The following ZNF277 variants were observed in gnomAD, a reference collection of about 807,000 sequenced individuals.
ZNF277 encodes nuclear receptor-interacting factor 4.
ZNF277 carries 55 observed loss-of-function variants against 60.7 expected under a neutral mutation model. The observed-to-expected ratio is 0.91, with a 90% CI of 0.73 to 1.13. The LOEUF is 1.13. Among genes scored for constraint, ZNF277 ranks in the 50% most tolerant of loss-of-function variants. The pLI is 0.00. For missense variants in ZNF277, 510 were observed against 523.0 expected (o/e 0.98, Z 0.24); for synonymous variants, 178 against 179.3 (o/e 0.99, Z 0.06).
At chr7:112,216,701 A>G (rs1003082188) in intron 1 of ZNF277, among the ~76,000 whole-genome samples, 1 of 152,200 alleles carries the variant, frequency 6.6e-6, no homozygotes, top group Non-Finnish European at 1.5e-5. Flanking sequence ...TTTCAACTCC[A>G]TCTTCCAAAT....
intron 1 of ZNF277, among the ~76,000 whole-genome samples, chr7:112,251,393 TG>T (rs1278254711): frequency 6.6e-6 from 1 of 152,212 alleles, no homozygotes; most frequent in Non-Finnish European, 1.5e-5. Flanking sequence ...TGAGATAATT[TG>T]GAGAGAGTTC....
intron 7 of ZNF277, among the ~76,000 whole-genome samples, chr7:112,335,449 G>A (rs1415545923): frequency 6.6e-6 from 1 of 152,134 alleles, no homozygotes; most frequent in Non-Finnish European, 1.5e-5. Flanking sequence ...TGCTAACGCT[G>A]TGACTAGGCT....
intron 1 of ZNF277, among the ~76,000 whole-genome samples, chr7:112,245,007 G>C (rs922054393): frequency 2.6e-5 from 4 of 152,062 alleles, no homozygotes; most frequent in African/African-American, 9.7e-5. Context: ...TGAATACCTA[G>C]TTTATTGGCA....
chr7:112,215,564 A>G (rs150983439), intron 1 of ZNF277, among the ~76,000 whole-genome samples: 84 of 152,376 alleles, frequency 5.5e-4, no homozygotes, highest in African/African-American at 1.9e-3. Context: ...TTCTAGTTCC[A>G]TATAGCACTG....
chr7:112,295,403 T>G (rs193227794), intron 2 of ZNF277, among the ~76,000 whole-genome samples: 34 of 152,302 alleles, frequency 2.2e-4, no homozygotes, highest in Non-Finnish European at 1.5e-4. Context: ...TATATTGATA[T>G]TGAATTTAGA....
At chr7:112,217,076 A>G (rs1468363393) in intron 1 of ZNF277, among the ~76,000 whole-genome samples, 4 of 152,256 alleles carry the variant, frequency 2.6e-5, no homozygotes. Flanking sequence ...TGAATGCTGT[A>G]GAATACAAAG....
Position 112,209,281 on chromosome 7 carries a change from G to A in ZNF277, c.91+2474G>A, listed in dbSNP as rs767350595. Among the ~76,000 whole-genome samples the A allele has an allele frequency of 1.2e-4, 19 of 152,080 alleles. 1 individual carries two copies. Among genetic ancestry groups the A allele is most frequent in the Admixed American group, 9.8e-4 (15 of 15,278 alleles). On this transcript the variant is annotated intron_variant, in intron 1 of 11. Transcript: ENST00000361822. ...TTGGGAGAAAATTGCTGGATCAAAGGTTATGCAAGTTTAAAATTTTGACAG... is the reference window on the plus strand; with the variant it reads ...TTGGGAGAAAATTGCTGGATCAAAGATTATGCAAGTTTAAAATTTTGACAG...
At chr7:112,308,275 G>A (rs1792645221) in intron 4 of ZNF277, among the ~76,000 whole-genome samples, 1 of 151,976 alleles carries the variant, frequency 6.6e-6, no homozygotes, top group Admixed American at 6.6e-5. Context: ...CAGCACTTTG[G>A]GAGGCGAGGC....
At chr7:112,261,368 A>G (rs1280001730) in intron 1 of ZNF277, among the ~76,000 whole-genome samples, 2 of 152,198 alleles carry the variant, frequency 1.3e-5, no homozygotes, top group South Asian at 2.1e-4. Context: ...TATTTCAGAA[A>G]TAAATTTGCT....
rs149797637 is a variant in ZNF277 at position 112,212,939 on chromosome 7, C to T, written c.91+6132C>T. Among the ~76,000 whole-genome samples, 22 of 152,286 alleles carry T rather than the reference C, an allele frequency of 1.4e-4. No homozygotes were observed. In the East Asian group the frequency reaches 1.9e-3, roughly 13 times the overall value. On this transcript the variant is annotated intron_variant, in intron 1 of 11. Transcript: ENST00000361822. ...AAGTAACATTGTATACTGGGGTTGC[C>T]TCACAAGGTATAGGCCGTGGGATGT...
At chr7:112,268,493 T>C (rs1440566021) in intron 1 of ZNF277, among the ~76,000 whole-genome samples, 2 of 152,128 alleles carry the variant, frequency 1.3e-5, no homozygotes, top group Non-Finnish European at 2.9e-5. Flanking sequence ...TTTTTCTGTT[T>C]GCATATGAGA....
At chr7:112,285,370 C>T (rs537551449) in intron 1 of ZNF277, among the ~76,000 whole-genome samples, 4 of 146,132 alleles carry the variant, frequency 2.7e-5, no homozygotes, top group Non-Finnish European at 4.5e-5. Flanking sequence ...GTGACTGATT[C>T]AATTAATTCA....
intron 1 of ZNF277, among the ~76,000 whole-genome samples, chr7:112,256,721 C>T (rs988013624): frequency 6.6e-6 from 1 of 152,140 alleles, no homozygotes; most frequent in Non-Finnish European, 1.5e-5. Flanking sequence ...GCTGGGATTA[C>T]AGGCGTAAAC....
chr7:112,328,784 C>T (rs1206275309), intron 6 of ZNF277, among the ~76,000 whole-genome samples: 14 of 152,046 alleles, frequency 9.2e-5, no homozygotes, highest in Admixed American at 2.6e-4. Context: ...GCAGGAGAAT[C>T]GCTTGAACCC....
chr7:112,318,366 G>C lies in ZNF277; in HGVS notation c.557+93G>C. The C allele has an allele frequency of 1.2e-5, 14 of 1,170,810 alleles. No homozygotes were observed. The South Asian group carries it at 1.6e-4, about 13-fold the overall frequency. The allele number at this position is 1,170,810 out of a possible 1,614,324, so 72.5% of individuals were successfully genotyped here. ...GTTGGTTATATAAATTAAGTTCTAT[G>C]TGTTGGCTCAGGACCCTTTCGTATA... is the stretch of plus-strand genomic sequence containing the variant. On this transcript the variant is annotated intron_variant, in intron 5 of 11. Coordinates refer to ENST00000361822, the MANE Select transcript of ZNF277 (RefSeq NM_021994.3).
chr7:112,342,823 C>A lies in ZNF277; in HGVS notation c.*94C>A, dbSNP rs1013174430. 2 of 1,025,376 alleles carry A rather than the reference C, an allele frequency of 2.0e-6. No individual in the cohort carries two copies. Among genetic ancestry groups the A allele is most frequent in the African/African-American group, 1.7e-5 (1 of 60,512 alleles). 63.5% of individuals were successfully genotyped at this position (1,025,376 alleles called of 1,614,324 possible). A position where few individuals can be genotyped will look rare whatever the true frequency, so the allele number is the denominator to read the frequency against. On this transcript the variant is annotated 3_prime_UTR_variant, in exon 12 of 12. Transcript: ENST00000361822. The stretch of plus-strand genomic sequence containing the variant: ...TATGAAAGAACAATTTAAATTTGAA[C>A]ATCAACAAAAGATTGGTCCTTGGTG...
At chr7:112,303,796 TA>T (rs1181036765) in intron 4 of ZNF277, among the ~76,000 whole-genome samples, 1 of 152,134 alleles carries the variant, frequency 6.6e-6, no homozygotes, top group Non-Finnish European at 1.5e-5. Flanking sequence ...TCTCCTAGTT[TA>T]TTTTTTTTGG....
At chr7:112,286,841 CTTTTTTT>C (rs10710470) in intron 1 of ZNF277, 25 bp from the exon 2 acceptor site, 126 of 952,210 alleles carry the variant, frequency 1.3e-4, no homozygotes, top group South Asian at 1.6e-4. Context: ...TTCTTTCTTT[CTTTTTTT>C]TTTTTTTTTT....
intron 5 of ZNF277, among the ~76,000 whole-genome samples, chr7:112,321,066 C>T (rs1372454462): frequency 6.6e-6 from 1 of 151,110 alleles, no homozygotes; most frequent in African/African-American, 2.4e-5. Flanking sequence ...GGACTACAGG[C>T]GCCCGCAACC....
Sources: gnomAD v4.1 joint callset for allele counts (sites outside exome capture counted in the v4.1 genomes callset) on GRCh38, gnomAD v4.1.1 for gene constraint, MANE v1.5 for transcripts, NCBI Gene and HGNC (gene_info 2026-07-23, HGNC 2026-07-21) for gene names.